Variants in GARIN6 observed in about 807,000 individuals in gnomAD.
The protein encoded by GARIN6 is Golgi-associated RAB2 interactor protein 6.
chr12:99,648,528 C>T, the GARIN6 span: 69 of 1,614,038 alleles, frequency 4.3e-5, no homozygotes, highest in Non-Finnish European at 5.5e-5. Context: ...TAGAACTAAC[C>T]AGGCTGCTTC....
At chr12:99,648,209 C>T in the GARIN6 span, 1 of 1,614,110 alleles carries the variant, frequency 6.2e-7, no homozygotes, top group South Asian at 1.1e-5. Flanking sequence ...TATTACACGG[C>T]CCAAAGCAGC....
chr12:99,649,843 C>T, the GARIN6 span: 8 of 157,820 alleles, frequency 5.1e-5, no homozygotes, highest in Non-Finnish European at 9.8e-5. Context: ...CTCTGCTACT[C>T]AGCATTGGGA....
the GARIN6 span, chr12:99,647,825 G>A: frequency 3.8e-6 from 1 of 265,174 alleles, no homozygotes; most frequent in South Asian, 7.6e-5. Context: ...AAAGAGCAAA[G>A]GCTGTTGTGA....
the GARIN6 span, chr12:99,648,756 A>G: frequency 6.2e-7 from 1 of 1,613,196 alleles, no homozygotes; most frequent in Non-Finnish European, 8.5e-7. Flanking sequence ...CATTGGACTC[A>G]TCTGTGTTGG....
chr12:99,649,425 C>A, the GARIN6 span: 1 of 1,563,908 alleles, frequency 6.4e-7, no homozygotes, highest in East Asian at 2.2e-5. Flanking sequence ...ACATATACTA[C>A]GTTCAAGAGT....
the GARIN6 span, chr12:99,648,443 G>A: frequency 1.4e-4 from 219 of 1,614,100 alleles, no homozygotes; most frequent in African/African-American, 1.5e-3. Context: ...CTGCTGGCCC[G>A]ACCAGCTGCT....
At chr12:99,647,872 A>G in the GARIN6 span, 1 of 369,170 alleles carries the variant, frequency 2.7e-6, no homozygotes, top group Middle Eastern at 7.4e-4. Context: ...TCCCTCCCGA[A>G]TGAGCACTGA....
the GARIN6 span, chr12:99,648,588 C>T: frequency 6.2e-7 from 1 of 1,614,188 alleles, no homozygotes; most frequent in Non-Finnish European, 8.5e-7. Context: ...AAAAACAGCT[C>T]CACCTGAAGC....
chr12:99,648,995 A>G, the GARIN6 span, among the ~76,000 whole-genome samples: 1 of 152,142 alleles, frequency 6.6e-6, no homozygotes, highest in Non-Finnish European at 1.5e-5. Context: ...TGAATTTCAG[A>G]GATTTCTTAG....
chr12:99,649,671 G>C, the GARIN6 span: 1 of 361,862 alleles, frequency 2.8e-6, no homozygotes, highest in Non-Finnish European at 5.1e-6. Flanking sequence ...TTATAGCAAG[G>C]GCTGCATGCA....
chr12:99,649,453 C>A, the GARIN6 span: 1 of 1,404,690 alleles, frequency 7.1e-7, no homozygotes, highest in Non-Finnish European at 1.0e-6. Context: ...CCCCTGCAGT[C>A]ATAAAACCTA....
chr12:99,649,289 G>GA, the GARIN6 span: 1 of 1,612,712 alleles, frequency 6.2e-7, no homozygotes. Context: ...TCTCCCTAGG[G>GA]ATATGCCATG....
chr12:99,648,760 G>A, the GARIN6 span: 1 of 1,612,760 alleles, frequency 6.2e-7, no homozygotes, highest in African/African-American at 1.3e-5. Flanking sequence ...GGACTCATCT[G>A]TGTTGGAGGA....
At chr12:99,649,551 G>A in the GARIN6 span, 1 of 610,872 alleles carries the variant, frequency 1.6e-6, no homozygotes, top group South Asian at 2.0e-5. Context: ...CTGCAACCAA[G>A]TCTGCAGACT....
At chr12:99,650,067 A>G in the GARIN6 span, 2 of 152,492 alleles carry the variant, frequency 1.3e-5, no homozygotes, top group South Asian at 2.1e-4. Flanking sequence ...CTCTAATAAC[A>G]TATGCTCTAT....
At chr12:99,648,554 A>G in the GARIN6 span, 2 of 1,614,162 alleles carry the variant, frequency 1.2e-6, no homozygotes, top group Admixed American at 3.3e-5. Flanking sequence ...ATGTTTGTGA[A>G]AATAACCATC....
At chr12:99,648,586 C>G in the GARIN6 span, 85 of 1,614,210 alleles carry the variant, frequency 5.3e-5, 1 homozygote, top group East Asian at 9.1e-4. Flanking sequence ...AAAAAAACAG[C>G]TCCACCTGAA....
chr12:99,648,407 C>G, the GARIN6 span: 1 of 1,614,172 alleles, frequency 6.2e-7, no homozygotes, highest in East Asian at 2.2e-5. Context: ...CGCACCAGCC[C>G]CTGCCTCACA....
At chr12:99,648,171 A>C in the GARIN6 span, 2 of 1,607,778 alleles carry the variant, frequency 1.2e-6, no homozygotes, top group Admixed American at 3.3e-5. Flanking sequence ...ATTTAAAGGA[A>C]GACATGGAGG....
Sources: allele counts gnomAD v4.1 joint callset (sites outside exome capture counted in the v4.1 genomes callset), GRCh38; gene constraint gnomAD v4.1.1; transcripts MANE v1.5; gene names NCBI Gene and HGNC (gene_info 2026-07-23, HGNC 2026-07-21).